Variants in TCF12 observed in about 807,000 individuals in gnomAD.
TCF12 encodes the protein DNA-binding protein HTF4.
A neutral mutation model predicts 86.0 loss-of-function variants in TCF12; 45 were observed. That is an observed-to-expected ratio of 0.52 (90% CI 0.41 to 0.67). The LOEUF is 0.67. Among genes scored for constraint, TCF12 ranks in the 30% least tolerant of loss-of-function variants. The pLI, the probability that TCF12 is intolerant of heterozygous loss-of-function variation, is 0.00. For missense variants in TCF12, 881 were observed against 859.9 expected (o/e 1.02, Z -0.31); for synonymous variants, 330 against 299.6 (o/e 1.10, Z -1.05).
chr15:56,983,207 A>C (rs562255678), intron 3 of TCF12, among the ~76,000 whole-genome samples: 2 of 152,256 alleles, frequency 1.3e-5, no homozygotes, highest in African/African-American at 4.8e-5. Flanking sequence ...TCATTCTTTG[A>C]CTGCTGCTGC....
intron 19 of TCF12, among the ~76,000 whole-genome samples, chr15:57,278,862 TTTTC>T (rs150628419): frequency 0.02 from 3,064 of 150,550 alleles, 118 homozygotes; most frequent in African/African-American, 0.068. Flanking sequence ...TTTTCTTTGT[TTTTC>T]TTTCTTTCTT....
intron 5 of TCF12, among the ~76,000 whole-genome samples, chr15:57,117,057 A>G (rs2050888510): frequency 6.6e-6 from 1 of 152,050 alleles, no homozygotes; most frequent in Non-Finnish European, 1.5e-5. Context: ...AAACAGAGCT[A>G]AAGTAGAAAA....
chr15:57,132,717 T>A (rs2052226781), intron 5 of TCF12, among the ~76,000 whole-genome samples: 1 of 152,228 alleles, frequency 6.6e-6, no homozygotes, highest in Non-Finnish European at 1.5e-5. Context: ...TTTTAAATTG[T>A]GTCATCTGTA....
At chr15:57,141,387 A>C (rs2052952225) in intron 5 of TCF12, among the ~76,000 whole-genome samples, 1 of 152,170 alleles carries the variant, frequency 6.6e-6, no homozygotes, top group African/African-American at 2.4e-5. Flanking sequence ...TTAGCTCTTG[A>C]TGCCCAGGCT....
At chr15:57,241,343 C>G (rs370263437) in intron 12 of TCF12, among the ~76,000 whole-genome samples, 1 of 152,028 alleles carries the variant, frequency 6.6e-6, no homozygotes, top group Non-Finnish European at 1.5e-5. Flanking sequence ...CCACCTGCCT[C>G]GGCCTCCCAA....
chr15:57,198,901 A>G (rs1804189692), intron 8 of TCF12, among the ~76,000 whole-genome samples: 1 of 152,280 alleles, frequency 6.6e-6, no homozygotes, highest in African/African-American at 2.4e-5. Context: ...GCTGAAGTAG[A>G]GATACAATCT....
chr15:57,007,757 T>TC (rs71113052), intron 3 of TCF12, among the ~76,000 whole-genome samples: 1 of 17,822 alleles, frequency 5.6e-5, no homozygotes, highest in Non-Finnish European at 1.6e-4. Context: ...TATTTTTCCT[T>TC]CTTTCTTTCT....
At chr15:57,239,803 G>A (rs1392772630) in intron 12 of TCF12, among the ~76,000 whole-genome samples, 1 of 152,086 alleles carries the variant, frequency 6.6e-6, no homozygotes, top group Non-Finnish European at 1.5e-5. Context: ...AAATAGAAGA[G>A]TAGAGATGGG....
chr15:57,197,465 T>A (rs1470783150), intron 7 of TCF12, among the ~76,000 whole-genome samples: 1 of 152,168 alleles, frequency 6.6e-6, no homozygotes, highest in Non-Finnish European at 1.5e-5. Flanking sequence ...GCCGAACAGT[T>A]TCTTAAGAAA....
intron 8 of TCF12, among the ~76,000 whole-genome samples, chr15:57,229,199 A>G (rs1231977787): frequency 6.6e-6 from 1 of 151,994 alleles, no homozygotes; most frequent in East Asian, 1.9e-4. Context: ...TTAAAAGAAA[A>G]TAGTCCAAAG....
At chr15:57,007,664 G>T (rs1458430584) in intron 3 of TCF12, among the ~76,000 whole-genome samples, 1 of 151,974 alleles carries the variant, frequency 6.6e-6, no homozygotes, top group East Asian at 1.9e-4. Context: ...TTTGTATAAT[G>T]AAAACTGACT....
intron 5 of TCF12, among the ~76,000 whole-genome samples, chr15:57,117,302 T>C (rs1183341715): frequency 1.3e-5 from 2 of 152,112 alleles, no homozygotes; most frequent in African/African-American, 4.8e-5. Context: ...AAAATGCCTC[T>C]GATTACAGGC....
intron 3 of TCF12, among the ~76,000 whole-genome samples, chr15:56,972,120 G>A (rs2062367348): frequency 6.6e-6 from 1 of 152,194 alleles, no homozygotes; most frequent in Admixed American, 6.5e-5. Flanking sequence ...AGTTACCTAT[G>A]CTTAGTGATT....
chr15:57,281,281 A>G (rs185694133), intron 19 of TCF12, among the ~76,000 whole-genome samples: 2 of 152,262 alleles, frequency 1.3e-5, no homozygotes, highest in East Asian at 1.9e-4. Context: ...CTTGTTTGCT[A>G]TCTTTTATAA....
At chr15:57,170,651 A>ATT (rs56673384) in intron 6 of TCF12, among the ~76,000 whole-genome samples, 1 of 48,570 alleles carries the variant, frequency 2.1e-5, no homozygotes, top group Non-Finnish European at 4.0e-5. Flanking sequence ...TAATATATAT[A>ATT]TTATATAAAA....
intron 4 of TCF12, among the ~76,000 whole-genome samples, chr15:57,090,723 T>A (rs1273214044): frequency 6.6e-6 from 1 of 152,198 alleles, no homozygotes; most frequent in Admixed American, 6.5e-5. Context: ...CTGGGTGGTT[T>A]CAGGTTTCTG....
At chr15:57,181,275 T>A (rs563208693) in intron 6 of TCF12, among the ~76,000 whole-genome samples, 1 of 152,118 alleles carries the variant, frequency 6.6e-6, no homozygotes, top group African/African-American at 2.4e-5. Context: ...TTATTTTTTA[T>A]TTTTTGGTCT....
At chr15:57,170,393 G>A (rs1265377289) in intron 6 of TCF12, among the ~76,000 whole-genome samples, 2 of 151,292 alleles carry the variant, frequency 1.3e-5, no homozygotes, top group Non-Finnish European at 2.9e-5. Flanking sequence ...CTAGGTTCAA[G>A]TCTCATCTCT....
intron 5 of TCF12, among the ~76,000 whole-genome samples, chr15:57,136,636 G>C (rs1432408188): frequency 6.6e-6 from 1 of 152,130 alleles, no homozygotes; most frequent in African/African-American, 2.4e-5. Flanking sequence ...ATCAAAATAA[G>C]TATTTTAGGT....
Sources: gnomAD v4.1 joint callset for allele counts (sites outside exome capture counted in the v4.1 genomes callset) on GRCh38, gnomAD v4.1.1 for gene constraint, MANE v1.5 for transcripts, NCBI Gene and HGNC (gene_info 2026-07-23, HGNC 2026-07-21) for gene names.